Variants in STK32C observed in about 807,000 individuals in gnomAD.
STK32C encodes serine/threonine kinase 32C.
STK32C carries 31 observed loss-of-function variants against 56.5 expected under a neutral mutation model. The observed-to-expected ratio is 0.55, with a 90% CI of 0.41 to 0.74. The LOEUF (loss-of-function observed/expected upper bound fraction) is 0.74. Among genes scored for constraint, STK32C ranks in the 30% least tolerant of loss-of-function variants. The pLI is 0.00. For missense variants in STK32C, 544 were observed against 676.9 expected, an observed-to-expected ratio of 0.80 and a Z score of 2.18; for synonymous variants, 309 against 289.4, an observed-to-expected ratio of 1.07 and a Z score of -0.69.
chr10:132,302,853 C>T (rs909125139), intron 1 of STK32C, among the ~76,000 whole-genome samples: 32 of 152,280 alleles, frequency 2.1e-4, no homozygotes, highest in African/African-American at 7.0e-4. Context: ...CCATGAGCTC[C>T]GGCAACACCA....
At chr10:132,320,177 T>C (rs568122658), downstream of STK32C, among the ~76,000 whole-genome samples, 116 of 151,142 alleles carry the variant, frequency 7.7e-4, no homozygotes, top group Non-Finnish European at 1.1e-3. Flanking sequence ...CAATCCAGGC[T>C]GGGGAGGGGG....
intron 1 of STK32C, among the ~76,000 whole-genome samples, chr10:132,303,921 A>C (rs1026913607): frequency 1.3e-5 from 2 of 151,924 alleles, no homozygotes; most frequent in African/African-American, 4.8e-5. Flanking sequence ...CACCCACTGC[A>C]CTCGCTCCTG....
intron 1 of STK32C, among the ~76,000 whole-genome samples, chr10:132,295,511 T>C (rs184510064): frequency 3.3e-5 from 5 of 152,342 alleles, no homozygotes; most frequent in Admixed American, 3.3e-4. Flanking sequence ...ACAACCAGCG[T>C]GTAAAATCAG....
At chr10:132,253,724 T>G (rs1380800976) in intron 1 of STK32C, among the ~76,000 whole-genome samples, 2 of 152,194 alleles carry the variant, frequency 1.3e-5, no homozygotes, top group African/African-American at 4.8e-5. Context: ...ACAGCACATC[T>G]AAGGCCAAAC....
intron 7 of STK32C, among the ~76,000 whole-genome samples, chr10:132,224,755 G>A (rs1018989801): frequency 6.6e-6 from 1 of 152,130 alleles, no homozygotes; most frequent in African/African-American, 2.4e-5. Context: ...GGATCCCAGG[G>A]GGCCTGGGTC....
chr10:132,266,170 G>A (rs971579629), intron 1 of STK32C, among the ~76,000 whole-genome samples: 9 of 152,234 alleles, frequency 5.9e-5, no homozygotes, highest in African/African-American at 1.9e-4. Flanking sequence ...ACAAACTCCC[G>A]ATCCATAGCC....
chr10:132,310,518 G>T (rs981549075), upstream of STK32C, among the ~76,000 whole-genome samples: 1 of 152,216 alleles, frequency 6.6e-6, no homozygotes, highest in Non-Finnish European at 1.5e-5. This position sits in a 1 kb window ranked among gnomAD's most constrained non-coding sequence, Gnocchi z 4.6. Context: ...TGCCTCATGG[G>T]AGGTAGCTCT....
rs748203392 is a variant in STK32C at position 132,283,787 on chromosome 10, G to GCCT, written c.262+23782_262+23784dup. Among the ~76,000 whole-genome samples, 131 of 152,324 alleles carry GCCT rather than the reference G, an allele frequency of 8.6e-4. No individual in the cohort carries two copies. The Middle Eastern group carries it at 0.01, about 12-fold the overall frequency. The stretch of plus-strand genomic sequence containing the variant: ...CCTGAGACTGAGAAACACAGCTGCT[G>GCCT]CCTCCTCCTCCGCCCCCATGGCTGG... On this transcript the variant is annotated intron_variant, in intron 1 of 11. Transcript: ENST00000298630.
intron 7 of STK32C, 103 bp from the exon 8 acceptor site, chr10:132,224,626 C>T: frequency 6.1e-6 from 5 of 822,018 alleles, no homozygotes; most frequent in South Asian, 1.5e-5. Context: ...CCCCTCCCCC[C>T]ACCCCAAGTG....
intron 10 of STK32C, among the ~76,000 whole-genome samples, chr10:132,211,692 GCA>G (rs1330245638): frequency 6.6e-6 from 1 of 152,188 alleles, no homozygotes; most frequent in Non-Finnish European, 1.5e-5. Flanking sequence ...CCCTTTGCCA[GCA>G]CACACACAGT....
At chr10:132,241,808 TA>T (rs2063511687) in intron 2 of STK32C, among the ~76,000 whole-genome samples, 1 of 152,134 alleles carries the variant, frequency 6.6e-6, no homozygotes, top group African/African-American at 2.4e-5. Flanking sequence ...CCCGCCAACT[TA>T]AAAGTGCTGA....
intron 10 of STK32C, chr10:132,209,363 G>A (rs2062215934): frequency 2.9e-6 from 2 of 696,336 alleles, no homozygotes; most frequent in Admixed American, 2.0e-5. Context: ...GCTCCGTGGG[G>A]CCTGCAGGAC....
At chr10:132,253,535 TG>T (rs2063992497) in intron 1 of STK32C, among the ~76,000 whole-genome samples, 1 of 102,640 alleles carries the variant, frequency 9.7e-6, no homozygotes, top group African/African-American at 4.9e-5. Context: ...CGGAGGGAGC[TG>T]GAGGGAGTCG....
At chr10:132,233,748 C>T (rs753396059) in intron 2 of STK32C, among the ~76,000 whole-genome samples, 4 of 152,366 alleles carry the variant, frequency 2.6e-5, no homozygotes, top group Middle Eastern at 3.4e-3. Flanking sequence ...CTCAGCCCAC[C>T]GGCTTCCCAG....
At chr10:132,279,949 C>T (rs563707888) in intron 1 of STK32C, among the ~76,000 whole-genome samples, 1 of 134,342 alleles carries the variant, frequency 7.4e-6, no homozygotes, top group South Asian at 2.6e-4. Context: ...CGTGACCACG[C>T]CCCTGCACCC....
At chr10:132,223,049 C>T (rs2137673659) in intron 8 of STK32C, 63 bp from the exon 9 acceptor site, 1 of 1,516,088 alleles carries the variant, frequency 6.6e-7, no homozygotes. Flanking sequence ...AATAGCCCGC[C>T]ACCCCCAGGC....
At chr10:132,213,452 C>A (rs557734876) in intron 10 of STK32C, among the ~76,000 whole-genome samples, 1 of 152,198 alleles carries the variant, frequency 6.6e-6, no homozygotes, top group Non-Finnish European at 1.5e-5. Context: ...AAGGGCAACC[C>A]GGGAAATGAA....
At chr10:132,279,105 G>A (rs1048944975) in intron 1 of STK32C, among the ~76,000 whole-genome samples, 1 of 152,174 alleles carries the variant, frequency 6.6e-6, no homozygotes, top group Non-Finnish European at 1.5e-5. Flanking sequence ...TAGCAACAGT[G>A]ATCAATAGTC....
chr10:132,297,076 G>A (rs923860245), intron 1 of STK32C, among the ~76,000 whole-genome samples: 3 of 152,210 alleles, frequency 2.0e-5, no homozygotes, highest in African/African-American at 7.2e-5. Context: ...TTGTTTCCTT[G>A]TGGTGCCCGA....
Sources: gnomAD v4.1 joint callset for allele counts (sites outside exome capture counted in the v4.1 genomes callset) on GRCh38, gnomAD v4.1.1 for gene constraint, Gnocchi (gnomAD v3.1) non-coding constraint, MANE v1.5 for transcripts, NCBI Gene and HGNC (gene_info 2026-07-23, HGNC 2026-07-21) for gene names.